FGF10: variants seen among roughly 807,000 people sequenced by gnomAD.
FGF10 encodes FGF-10.
FGF10 carries 2 observed loss-of-function variants against 19.8 expected under a neutral mutation model. The observed-to-expected ratio is 0.10, with a 90% confidence interval of 0.04 to 0.32. The LOEUF (loss-of-function observed/expected upper bound fraction) is 0.32. FGF10 is among the 10% of genes least tolerant of loss of function. The pLI is 1.00. For missense variants in FGF10, 191 were observed against 246.3 expected (o/e 0.78, Z 1.50); for synonymous variants, 112 against 94.0 (o/e 1.19, Z -1.10).
At chr5:44,347,164 C>A (rs1270014249) in intron 1 of FGF10, among the ~76,000 whole-genome samples, 1 of 151,518 alleles carries the variant, frequency 6.6e-6, no homozygotes, top group African/African-American at 2.4e-5. Flanking sequence ...ATGAATCTAT[C>A]CCTCATGAAG....
intron 1 of FGF10, among the ~76,000 whole-genome samples, chr5:44,337,319 T>C (rs1579914890): frequency 6.6e-6 from 1 of 152,176 alleles, no homozygotes; most frequent in African/African-American, 2.4e-5. Flanking sequence ...TTATGATCAA[T>C]TGAGGCATAT....
chr5:44,314,724 C>A (rs1476480194), intron 1 of FGF10, among the ~76,000 whole-genome samples: 1 of 152,126 alleles, frequency 6.6e-6, no homozygotes, highest in Admixed American at 6.6e-5. Context: ...TCTTTCCCAG[C>A]TGCTGCTTCT....
chr5:44,373,650 G>A (rs1404778777), intron 1 of FGF10, among the ~76,000 whole-genome samples: 2 of 151,882 alleles, frequency 1.3e-5, no homozygotes, highest in Non-Finnish European at 2.9e-5. Flanking sequence ...TTCCTTCTGA[G>A]CCCTCAAAAA....
intron 1 of FGF10, among the ~76,000 whole-genome samples, chr5:44,368,444 T>C (rs2111877233): frequency 6.6e-6 from 1 of 152,184 alleles, no homozygotes; most frequent in Admixed American, 6.5e-5. Context: ...ATGAAGTCTT[T>C]TGGGACTGTG....
intron 1 of FGF10, 53 bp downstream of exon 1, chr5:44,388,305 T>G: frequency 5.3e-6 from 8 of 1,519,062 alleles, no homozygotes; most frequent in Non-Finnish European, 7.3e-6. Flanking sequence ...TTCCCCCCCG[T>G]GTGGGCTGGG....
intron 1 of FGF10, among the ~76,000 whole-genome samples, chr5:44,367,060 G>A (rs1179706749): frequency 1.3e-5 from 2 of 151,998 alleles, no homozygotes; most frequent in Non-Finnish European, 2.9e-5. Flanking sequence ...CCTCATATGT[G>A]AGAAGGTTAA....
chr5:44,356,796 C>T (rs1263809356), intron 1 of FGF10, among the ~76,000 whole-genome samples: 1 of 151,106 alleles, frequency 6.6e-6, no homozygotes, highest in Non-Finnish European at 1.5e-5. Context: ...AGGGAGTGTC[C>T]ATGAAAAGGT....
At chr5:44,343,641 C>A (rs1561208139) in intron 1 of FGF10, among the ~76,000 whole-genome samples, 2 of 151,936 alleles carry the variant, frequency 1.3e-5, no homozygotes, top group Non-Finnish European at 2.9e-5. Context: ...GTCCTTAACA[C>A]CTCTGGAAAA....
intron 1 of FGF10, among the ~76,000 whole-genome samples, chr5:44,349,451 T>TATATCAAA (rs1554038148): frequency 6.0e-5 from 1 of 16,696 alleles, no homozygotes; most frequent in African/African-American, 1.5e-4. Flanking sequence ...TATATATATA[T>TATATCAAA]ATATATATAT....
intron 1 of FGF10, among the ~76,000 whole-genome samples, chr5:44,346,577 T>C (rs1741094991): frequency 6.6e-6 from 1 of 151,842 alleles, no homozygotes; most frequent in African/African-American, 2.4e-5. Flanking sequence ...TTTCACACAT[T>C]GATTTCATTC....
At position 44,357,586 on chromosome 5, in the gene FGF10, C is replaced by T. The variant is rs368642449; in HGVS notation, c.325+30772G>A. Among the ~76,000 whole-genome samples, 4 of 151,384 alleles carry T rather than the reference C, an allele frequency of 2.6e-5. No individual in the cohort carries two copies. In the East Asian group the frequency reaches 7.8e-4, roughly 29 times the overall value. Reference sequence around the variant, plus strand: ...ACTGAGAGGTAATAGGCACATGAGGCTCAATAACTTGTCTACGGTCACATA... The same window carrying T: ...ACTGAGAGGTAATAGGCACATGAGGTTCAATAACTTGTCTACGGTCACATA... On this transcript the variant is annotated intron_variant, in intron 1 of 2. Coordinates refer to ENST00000264664, the MANE Select transcript of FGF10 (RefSeq NM_004465.2).
At position 44,388,911 on chromosome 5, in the gene FGF10, C is replaced by A; in HGVS notation, c.-229G>T. 2 of 597,212 alleles carry A rather than the reference C, an allele frequency of 3.3e-6. No individual in the cohort carries two copies. The highest frequency in any genetic ancestry group is 6.0e-6 in the Non-Finnish European group (2 of 331,642). The allele number at this position is 597,212 out of a possible 1,614,324, so 37.0% of individuals were successfully genotyped here. A position where few individuals can be genotyped will look rare whatever the true frequency, so the allele number is the denominator to read the frequency against. On this transcript the variant is annotated 5_prime_UTR_variant, in exon 1 of 3. Transcript: ENST00000264664. ...CCGCTGCCTACGCCTCTGGAGCCTC[C>A]CGGTAAATGGTGGACGTGGGTGGCC...
At chr5:44,326,173 A>T (rs181372287) in intron 1 of FGF10, among the ~76,000 whole-genome samples, 126 of 152,324 alleles carry the variant, frequency 8.3e-4, no homozygotes, top group Non-Finnish European at 1.3e-3. Context: ...TCTATTAAGC[A>T]ATTTTTCCTT....
At chr5:44,369,357 T>C (rs150611456) in intron 1 of FGF10, among the ~76,000 whole-genome samples, 6 of 152,240 alleles carry the variant, frequency 3.9e-5, no homozygotes, top group Admixed American at 6.5e-5. Flanking sequence ...ATATTCCTTC[T>C]TCATGTTTCC....
Position 44,388,654 on chromosome 5 carries a change from G to T in FGF10, c.29C>A (p.Ala10Asp). The T allele has an allele frequency of 6.2e-7, 1 of 1,614,026 alleles. No individual in the cohort carries two copies. The highest frequency in any genetic ancestry group is 8.5e-7 in the Non-Finnish European group (1 of 1,180,016). MWKWILTHC[A>D]SAFPHLPGCC... ...GCCGGGCAGGTGGGGAAAGGCTGAG[G>T]CACAATGTGTCAGTATCCATTTCCA... Residue 10 changes from alanine to aspartate, a missense_variant, in exon 1 of 3, where the codon GCC (alanine) becomes GAC (aspartate). By Grantham distance (126) the Ala-to-Asp change is moderately radical (BLOSUM62 -2). Coordinates refer to ENST00000264664, the MANE Select transcript of FGF10 (RefSeq NM_004465.2).
At chr5:44,333,522 C>A (rs1460109814) in intron 1 of FGF10, among the ~76,000 whole-genome samples, 1 of 152,132 alleles carries the variant, frequency 6.6e-6, no homozygotes, top group African/African-American at 2.4e-5. Flanking sequence ...ATCACTATGT[C>A]CTTGACCCTA....
Position 44,311,176 on chromosome 5 carries a change from G to GT in FGF10, c.326-647dup, listed in dbSNP as rs5867658. On this transcript the variant is annotated intron_variant, in intron 1 of 2. Coordinates refer to ENST00000264664, the MANE Select transcript of FGF10 (RefSeq NM_004465.2). ...AAATCCATAAACATGGATTTTTAAGGTTTTTTTTTTTCCTAGGAAAAATGG... is the reference window on the plus strand; with the variant it reads ...AAATCCATAAACATGGATTTTTAAGGTTTTTTTTTTTTCCTAGGAAAAATGG... Among the ~76,000 whole-genome samples, 260 of 147,098 alleles carry GT rather than the reference G, an allele frequency of 1.8e-3. 4 individuals carry two copies. Among genetic ancestry groups the GT allele is most frequent in the African/African-American group, 4.1e-3 (167 of 40,338 alleles).
chr5:44,380,806 C>A (rs1741967866), intron 1 of FGF10, among the ~76,000 whole-genome samples: 1 of 152,148 alleles, frequency 6.6e-6, no homozygotes, highest in Admixed American at 6.5e-5. Flanking sequence ...CATAGTGAGA[C>A]CCTGTCTCTA....
intron 1 of FGF10, among the ~76,000 whole-genome samples, chr5:44,340,689 A>G (rs1000725740): frequency 6.6e-5 from 10 of 152,022 alleles, no homozygotes; most frequent in African/African-American, 2.4e-4. Flanking sequence ...TGCTTTTGAG[A>G]ATTTAGACTC....
Sources: allele counts gnomAD v4.1 joint callset (sites outside exome capture counted in the v4.1 genomes callset), GRCh38; gene constraint gnomAD v4.1.1; transcripts MANE v1.5; gene names NCBI Gene and HGNC (gene_info 2026-07-23, HGNC 2026-07-21).